The following LYRM4 variants were observed in gnomAD, a reference collection of about 807,000 sequenced individuals.
LYRM4 encodes LYR motif containing 4.
A neutral mutation model predicts 11.7 loss-of-function variants in LYRM4; 9 were observed. That is an observed-to-expected ratio of 0.77 (90% CI 0.46 to 1.34). The LOEUF (loss-of-function observed/expected upper bound fraction) is 1.34, where lower values mean the gene tolerates loss of function less well. Among genes scored for constraint, LYRM4 ranks in the 40% most tolerant of loss-of-function variants. LYRM4 has a pLI of 0.00. For missense variants in LYRM4, 133 were observed against 112.5 expected (o/e 1.18, Z -0.82); for synonymous variants, 42 against 40.4 (o/e 1.04, Z -0.15).
the LYRM4 span, among the ~76,000 whole-genome samples, chr6:5,090,043 A>ACACACACACACACACAC: frequency 3.5e-5 from 5 of 144,004 alleles, no homozygotes; most frequent in South Asian, 2.2e-4. This position sits in a 1 kb window ranked among gnomAD's most constrained non-coding sequence, Gnocchi z 4.8. Context: ...CACACACACC[A>ACACACACACACACACAC]CACACACACC....
chr6:5,260,807 C>G lies in LYRM4; in HGVS notation c.-74G>C. The G allele has an allele frequency of 6.5e-7, 1 of 1,530,516 alleles. No homozygotes were observed. Among genetic ancestry groups the G allele is most frequent in the Non-Finnish European group, 8.7e-7 (1 of 1,144,760 alleles). The allele number at this position is 1,530,516 out of a possible 1,614,324, so 94.8% of individuals were successfully genotyped here. ...TACGACCCAACCCACGAAACTCCAG[C>G]CTGTGCGGAAACCACGAACGAAATA... On this transcript the variant is annotated 5_prime_UTR_variant, in exon 1 of 3. Transcript: ENST00000330636.
At chr6:5,054,180 G>T in the LYRM4 span, 440 of 897,024 alleles carry the variant, frequency 4.9e-4, no homozygotes, top group Non-Finnish European at 5.3e-4. Flanking sequence ...AAGAAAAGGG[G>T]TGGGAAAGGA....
the LYRM4 span, among the ~76,000 whole-genome samples, chr6:5,049,246 C>T: frequency 1.3e-5 from 2 of 152,302 alleles, no homozygotes; most frequent in East Asian, 1.9e-4. Flanking sequence ...CCAGAGATAA[C>T]ATAGAGCCCC....
chr6:5,122,368 A>G (rs748908717), intron 2 of LYRM4, among the ~76,000 whole-genome samples: 7 of 152,212 alleles, frequency 4.6e-5, no homozygotes, highest in Non-Finnish European at 1.0e-4. Flanking sequence ...CAGAGCAACG[A>G]ACACAGCAGA....
chr6:5,101,968 CT>C (rs397826404), downstream of LYRM4, among the ~76,000 whole-genome samples: 2,789 of 67,982 alleles, frequency 0.041, 313 homozygotes, highest in Non-Finnish European at 0.055. Context: ...CTAATGCTTT[CT>C]TTTTTTTTTT....
rs1358453150 is a variant in LYRM4 at position 5,245,103 on chromosome 6, AAAAAAAAAAAATATATATAT to A, written c.86+15525_86+15544del. Among the ~76,000 whole-genome samples, 37 of 58,398 alleles carry A rather than the reference AAAAAAAAAAAATATATATAT, an allele frequency of 6.3e-4. 2 individuals carry two copies. Among genetic ancestry groups the A allele is most frequent in the African/African-American group, 1.8e-3 (30 of 16,770 alleles). 38.3% of individuals were successfully genotyped at this position (58,398 alleles called of 152,430 possible). On this transcript the variant is annotated intron_variant, in intron 1 of 2. Coordinates refer to ENST00000330636, the MANE Select transcript of LYRM4 (RefSeq NM_020408.6). ...CAGGAAGACCTTAAAAAAAAAAAAA[AAAAAAAAAAAATATATATAT>A]ATATATATATATATATATATATATA...
intron 2 of LYRM4, among the ~76,000 whole-genome samples, chr6:5,189,714 G>A (rs1760645424): frequency 6.6e-6 from 1 of 152,216 alleles, no homozygotes; most frequent in African/African-American, 2.4e-5. Flanking sequence ...AGCCATGAGA[G>A]TGAGAAGAGT....
chr6:5,144,274 T>C, intron 2 of LYRM4: 1 of 1,537,020 alleles, frequency 6.5e-7, no homozygotes, highest in Non-Finnish European at 8.7e-7. Context: ...TGCACTGAGA[T>C]ACAGGCAAGT....
At chr6:5,144,204 C>G in intron 2 of LYRM4, 1 of 1,536,898 alleles carries the variant, frequency 6.5e-7, no homozygotes, top group Non-Finnish European at 8.7e-7. Flanking sequence ...GCAGGGCTTC[C>G]CCAGGCTCCG....
chr6:5,244,676 T>C (rs888898522), intron 1 of LYRM4, among the ~76,000 whole-genome samples: 1 of 152,206 alleles, frequency 6.6e-6, no homozygotes, highest in Admixed American at 6.5e-5. Context: ...GCTGTCTGCA[T>C]GGCCACCTAG....
At chr6:5,182,648 C>A (rs1760145016) in intron 2 of LYRM4, among the ~76,000 whole-genome samples, 1 of 152,170 alleles carries the variant, frequency 6.6e-6, no homozygotes. Context: ...TTTAGGAGAG[C>A]CCAGGGGCTC....
chr6:5,146,806 T>C (rs10484845), intron 2 of LYRM4, among the ~76,000 whole-genome samples: 17,726 of 152,214 alleles, frequency 0.12, 1,170 homozygotes, highest in South Asian at 0.29. Flanking sequence ...CTATTTTTAC[T>C]GTTGGACACT....
chr6:5,057,030 A>T, the LYRM4 span, among the ~76,000 whole-genome samples: 1 of 152,148 alleles, frequency 6.6e-6, no homozygotes, highest in Non-Finnish European at 1.5e-5. Flanking sequence ...AATAAAATTA[A>T]TTATTTTTAT....
In LYRM4 at chr6:5,108,593, T is replaced by G. The variant is rs1353898692; in HGVS notation, c.*830A>C. The G allele has an allele frequency of 2.8e-6, 1 of 363,556 alleles. No homozygotes were observed. The highest frequency in any genetic ancestry group is 3.8e-6 in the Non-Finnish European group (1 of 261,318). The allele number at this position is 363,556 out of a possible 1,614,324, so 22.5% of individuals were successfully genotyped here. A position where few individuals can be genotyped will look rare whatever the true frequency, so the allele number is the denominator to read the frequency against. ...GAGAGGGAAGTGCTGAGAGATGTCT[T>G]TTTAAAAAGCTCTCCAACTCTCCAG... is the stretch of plus-strand genomic sequence containing the variant. On this transcript the variant is annotated 3_prime_UTR_variant, in exon 3 of 3. Coordinates refer to ENST00000330636, the MANE Select transcript of LYRM4 (RefSeq NM_020408.6).
the LYRM4 span, among the ~76,000 whole-genome samples, chr6:5,070,706 T>C: frequency 3.3e-5 from 5 of 151,340 alleles, no homozygotes; most frequent in African/African-American, 1.2e-4. Flanking sequence ...CAAGACACCA[T>C]CTATACCAAA....
At chr6:5,120,196 G>A (rs1763367600) in intron 2 of LYRM4, among the ~76,000 whole-genome samples, 1 of 152,112 alleles carries the variant, frequency 6.6e-6, no homozygotes, top group South Asian at 2.1e-4. Context: ...TGCCTGGCCG[G>A]GAATGAAATT....
At chr6:5,071,047 G>A in the LYRM4 span, among the ~76,000 whole-genome samples, 1 of 151,858 alleles carries the variant, frequency 6.6e-6, no homozygotes, top group African/African-American at 2.4e-5. Flanking sequence ...AATTACCTGG[G>A]CGTGGTAGCG....
intron 1 of LYRM4, among the ~76,000 whole-genome samples, chr6:5,245,103 AAAAAAAAAAAATATATAT>A (rs1399142886): frequency 1.4e-4 from 8 of 58,394 alleles, no homozygotes; most frequent in African/African-American, 4.2e-4. Flanking sequence ...AAAAAAAAAA[AAAAAAAAAAAATATATAT>A]ATATATATAT....
In LYRM4 at chr6:5,159,728, G is replaced by A. The variant is rs549157378; in HGVS notation, c.208-50237C>T. 1.2e-4 allele frequency among the ~76,000 whole-genome samples: 18 copies of A among 152,224 alleles called. 1 individual carries two copies. In the South Asian group the frequency reaches 3.7e-3, roughly 32 times the overall value. On this transcript the variant is annotated intron_variant, in intron 2 of 2. Coordinates refer to ENST00000330636, the MANE Select transcript of LYRM4 (RefSeq NM_020408.6). Reference sequence around the variant, plus strand: ...ATACCTATCTTTTACAATCTACCTCGAATCACATTCTGGGAAGTTTTATGG... The same window carrying A: ...ATACCTATCTTTTACAATCTACCTCAAATCACATTCTGGGAAGTTTTATGG...
Sources: gnomAD v4.1 joint callset for allele counts (sites outside exome capture counted in the v4.1 genomes callset) on GRCh38, gnomAD v4.1.1 for gene constraint, Gnocchi (gnomAD v3.1) non-coding constraint, MANE v1.5 for transcripts, NCBI Gene and HGNC (gene_info 2026-07-23, HGNC 2026-07-21) for gene names.